Variants in TENM2 observed in about 807,000 individuals in gnomAD.
The protein encoded by TENM2 is teneurin-2.
TENM2 carries 52 observed loss-of-function variants against 245.2 expected under a neutral mutation model. The ratio of observed to expected loss-of-function variants is 0.21; its 90% confidence interval spans 0.17 to 0.27. The LOEUF (loss-of-function observed/expected upper bound fraction) is 0.27. TENM2 is among the 10% of genes least tolerant of loss of function. The pLI is 1.00. For synonymous variants in TENM2, 1,363 were observed against 1,438.9 expected (o/e 0.95, Z 1.19); for missense variants, 3,046 against 3,666.8 (o/e 0.83, Z 4.37).
intron 13 of TENM2, among the ~76,000 whole-genome samples, chr5:168,175,217 A>G (rs1417040325): frequency 6.6e-6 from 1 of 152,226 alleles, no homozygotes; most frequent in African/African-American, 2.4e-5. Context: ...CAGCAACTTA[A>G]TGCCCCTTTA....
intron 2 of TENM2, among the ~76,000 whole-genome samples, chr5:167,693,633 CAAA>C (rs35853452): frequency 5.5e-5 from 5 of 90,748 alleles, no homozygotes; most frequent in Admixed American, 1.1e-4. Context: ...AATTTCTAGG[CAAA>C]AAAAAAAAAA....
chr5:167,385,487 G>T (rs1048684328), intron 2 of TENM2, among the ~76,000 whole-genome samples: 15 of 146,184 alleles, frequency 1.0e-4, no homozygotes, highest in African/African-American at 3.8e-4. Context: ...ATATTGTGGG[G>T]TTTTTTTAGG....
chr5:167,539,833 GATA>G (rs1254908257), intron 2 of TENM2, among the ~76,000 whole-genome samples: 10 of 152,030 alleles, frequency 6.6e-5, no homozygotes, highest in African/African-American at 9.7e-5. Context: ...TATGAAATAT[GATA>G]ATAATATGGA....
At chr5:167,960,453 G>A (rs934062608) in intron 4 of TENM2, among the ~76,000 whole-genome samples, 3 of 152,188 alleles carry the variant, frequency 2.0e-5, no homozygotes, top group African/African-American at 7.2e-5. Context: ...GCTGTGGTGG[G>A]CTCTGCCCAG....
intron 24 of TENM2, among the ~76,000 whole-genome samples, chr5:168,227,662 G>A (rs939773869): frequency 3.3e-5 from 5 of 151,844 alleles, no homozygotes; most frequent in South Asian, 2.1e-4. Flanking sequence ...GAAACATCAC[G>A]GCATAATTAT....
In TENM2 at chr5:167,362,368, T is replaced by C. The variant is rs188615336; in HGVS notation, c.227-12830T>C. On this transcript the variant is annotated intron_variant, in intron 1 of 28. Transcript: ENST00000518659. ...AAGAATTCTTTTACAAACAAGAGTA[T>C]ATCATTAACATTTCCCCTCAAATAT... Among the ~76,000 whole-genome samples the C allele has an allele frequency of 1.0e-3, 158 of 152,336 alleles. 1 individual carries two copies. Among genetic ancestry groups the C allele is most frequent in the African/African-American group, 3.6e-3 (149 of 41,590 alleles).
chr5:167,629,398 T>A (rs138838383), intron 2 of TENM2, among the ~76,000 whole-genome samples: 84 of 152,352 alleles, frequency 5.5e-4, no homozygotes, highest in African/African-American at 1.9e-3. Flanking sequence ...TTTGAAAGGC[T>A]CTGTAAATGC....
chr5:167,910,234 G>A (rs530511719), intron 3 of TENM2, among the ~76,000 whole-genome samples: 2 of 152,174 alleles, frequency 1.3e-5, no homozygotes, highest in East Asian at 3.9e-4. Flanking sequence ...TTCCCACTGG[G>A]AACAGATGGA....
intron 1 of TENM2, among the ~76,000 whole-genome samples, chr5:167,373,114 A>T (rs574450073): frequency 6.6e-6 from 1 of 152,374 alleles, no homozygotes; most frequent in South Asian, 2.1e-4. Context: ...TCTCCAATGA[A>T]TAAGTTTCAT....
At chr5:167,513,023 A>G (rs1316046418) in intron 2 of TENM2, among the ~76,000 whole-genome samples, 1 of 152,186 alleles carries the variant, frequency 6.6e-6, no homozygotes, top group African/African-American at 2.4e-5. Context: ...ACTGGTTTGA[A>G]GATATGATTT....
At chr5:167,213,553 A>T in the TENM2 span, among the ~76,000 whole-genome samples, 1 of 152,158 alleles carries the variant, frequency 6.6e-6, no homozygotes, top group Non-Finnish European at 1.5e-5. Flanking sequence ...GAGGGCATAA[A>T]CATTCAGTCT....
the TENM2 span, among the ~76,000 whole-genome samples, chr5:167,184,452 T>C: frequency 6.6e-6 from 1 of 152,128 alleles, no homozygotes; most frequent in African/African-American, 2.4e-5. Flanking sequence ...GTAAAAAGTT[T>C]TTGTTTTTGT....
chr5:167,133,905 T>C, the TENM2 span, among the ~76,000 whole-genome samples: 337 of 152,258 alleles, frequency 2.2e-3, no homozygotes, highest in Middle Eastern at 0.014. Context: ...AAAGTTAACA[T>C]CAAATTTGAA....
chr5:167,496,906 C>T (rs1265824144), intron 2 of TENM2, among the ~76,000 whole-genome samples: 3 of 151,866 alleles, frequency 2.0e-5, no homozygotes, highest in Admixed American at 2.0e-4. Flanking sequence ...ACATCAGTTG[C>T]AGGTTTAAAA....
At chr5:167,619,915 G>C (rs1778046675) in intron 2 of TENM2, among the ~76,000 whole-genome samples, 1 of 152,096 alleles carries the variant, frequency 6.6e-6, no homozygotes, top group Admixed American at 6.6e-5. Context: ...AAAAATTCAA[G>C]TTGCATAACT....
intron 2 of TENM2, among the ~76,000 whole-genome samples, chr5:167,721,616 C>T (rs762032587): frequency 6.6e-6 from 1 of 152,178 alleles, no homozygotes. Flanking sequence ...TCACATTTCC[C>T]TCTGACCACA....
the TENM2 span, among the ~76,000 whole-genome samples, chr5:167,109,194 C>A: frequency 6.6e-6 from 1 of 150,888 alleles, no homozygotes; most frequent in African/African-American, 2.4e-5. Context: ...TACAGCTAGA[C>A]CTTATGGGCA....
intron 1 of TENM2, among the ~76,000 whole-genome samples, chr5:167,370,381 A>T (rs1440278015): frequency 7.1e-6 from 1 of 141,762 alleles, no homozygotes; most frequent in Non-Finnish European, 1.5e-5. Flanking sequence ...AGACGTGGAG[A>T]GGATCTGGAT....
chr5:167,595,365 C>G (rs1000254484), intron 2 of TENM2, among the ~76,000 whole-genome samples: 1 of 151,964 alleles, frequency 6.6e-6, no homozygotes, highest in African/African-American at 2.4e-5. Context: ...AAGAGGAAAC[C>G]GAGGCCCAGA....
Sources: allele counts gnomAD v4.1 joint callset (sites outside exome capture counted in the v4.1 genomes callset), GRCh38; gene constraint gnomAD v4.1.1; transcripts MANE v1.5; gene names NCBI Gene and HGNC (gene_info 2026-07-23, HGNC 2026-07-21).